The following SARM1 variants were observed in gnomAD, a reference collection of about 807,000 sequenced individuals.
SARM1 encodes the protein NAD(+) hydrolase SARM1.
In SARM1, 60 loss-of-function variants were observed where a neutral mutation model predicts 65.1. The observed-to-expected ratio is 0.92, with a 90% CI of 0.75 to 1.14. The LOEUF (loss-of-function observed/expected upper bound fraction) is 1.14, where lower values mean the gene tolerates loss of function less well. Among genes scored for constraint, SARM1 ranks in the 50% most tolerant of loss-of-function variants. The pLI is 0.00. For synonymous variants in SARM1, 417 were observed against 465.4 expected, an observed-to-expected ratio of 0.90 and a Z score of 1.34; for missense variants, 913 against 1,015.7, an observed-to-expected ratio of 0.90 and a Z score of 1.37.
intron 1 of SARM1, among the ~76,000 whole-genome samples, chr17:28,375,269 T>G (rs1481430473): frequency 1.3e-5 from 2 of 152,186 alleles, no homozygotes; most frequent in African/African-American, 2.4e-5. Flanking sequence ...CCCAGGAATA[T>G]TCAATGAATA....
At chr17:28,388,074 G>T (rs781980060) in intron 5 of SARM1, 100 bp from the exon 6 acceptor site, 33 of 942,200 alleles carry the variant, frequency 3.5e-5, no homozygotes, top group Non-Finnish European at 3.0e-5. Context: ...GGGCTGAGAG[G>T]GCTTGGTGGA....
intron 1 of SARM1, among the ~76,000 whole-genome samples, chr17:28,376,135 G>T (rs1442709604): frequency 6.6e-6 from 1 of 152,138 alleles, no homozygotes; most frequent in Non-Finnish European, 1.5e-5. Context: ...CTCTGTAAAG[G>T]TGCCAGGTGC....
At position 28,395,911 on chromosome 17, in the gene SARM1, G is replaced by A. The variant is rs781916448; in HGVS notation, c.1930G>A (p.Val644Met). The change falls in exon 8 of 9, where the codon GTG becomes ATG. Residue 644 changes from valine (V) to methionine (M), a missense_variant. Transcript: ENST00000585482. ...CTTTCCTTTCTTTCTCCAGGAGATT[G>A]TGACTGCTTTAAGCTGCGGCAAGAA... ...DCKDWVHKEI[V>M]TALSCGKNIV... 3.1e-6 allele frequency: 5 copies of A among 1,613,872 alleles called. No homozygotes were observed. The highest frequency in any genetic ancestry group is 4.2e-6 in the Non-Finnish European group (5 of 1,179,878).
In SARM1 at chr17:28,400,783, A is replaced by G. The variant is rs781817639; in HGVS notation, c.*4497A>G. ...AGAGAGCACCTGTGAAGAAATAAAT[A>G]CCATACTCTGGAGTCCGAAAGGGCC... On this transcript the variant is annotated 3_prime_UTR_variant, in exon 9 of 9. Transcript: ENST00000585482. 28 of 1,553,080 alleles carry G rather than the reference A, an allele frequency of 1.8e-5. No homozygotes were observed. The highest frequency in any genetic ancestry group is 2.1e-5 in the Non-Finnish European group (24 of 1,148,394).
rs782186429 is a variant in SARM1 at position 28,381,644 on chromosome 17, C to T, written c.912C>T (p.Asp304=). 2 of 1,560,166 alleles carry T rather than the reference C, an allele frequency of 1.3e-6. No homozygotes were observed. The highest frequency in any genetic ancestry group is 1.7e-6 in the Non-Finnish European group (2 of 1,153,648). Residue 304 remains aspartate, a synonymous_variant, in exon 2 of 9, where the codon GAC becomes GAT. Transcript: ENST00000585482. ...ALVEPLVASL[D]PGRFARCLVD... is the part of the protein sequence containing the mutation. ...TGGAGCCGCTTGTGGCCTCGCTGGACCCTGGCCGCTTCGCCCGCTGTCTGG... is the reference window on the plus strand; with the variant it reads ...TGGAGCCGCTTGTGGCCTCGCTGGATCCTGGCCGCTTCGCCCGCTGTCTGG...
rs1555585308 is a variant in SARM1, at chr17:28,381,635, C to T, written c.903C>T (p.Ala301=). Residue 301 remains alanine (A), a synonymous_variant, in exon 2 of 9, where the codon GCC becomes GCT. Transcript: ENST00000585482. ...GTLALVEPLV[A]SLDPGRFARC... ...TGGCGCTCGTGGAGCCGCTTGTGGC[C>T]TCGCTGGACCCTGGCCGCTTCGCCC... is the stretch of plus-strand genomic sequence containing the variant. 3 of 1,563,978 alleles carry T rather than the reference C, an allele frequency of 1.9e-6. No homozygotes were observed. The East Asian group carries it at 7.1e-5, about 37-fold the overall frequency.
rs1247088246 is a variant in SARM1 at position 28,403,341 on chromosome 17, C to T, written c.*7055C>T. The T allele has an allele frequency of 1.3e-5, 2 of 152,232 alleles. No individual in the cohort carries two copies. Among genetic ancestry groups the T allele is most frequent in the Non-Finnish European group, 2.9e-5 (2 of 68,022 alleles). The allele number at this position is 152,232 out of a possible 1,614,324, so 9.4% of individuals were successfully genotyped here. Reference sequence around the variant, plus strand: ...ACACAGCAAATGGGAGTTCCTTTTCCCTTTGCATTCAGTTACTTACAGGCT... The same window carrying T: ...ACACAGCAAATGGGAGTTCCTTTTCTCTTTGCATTCAGTTACTTACAGGCT... On this transcript the variant is annotated 3_prime_UTR_variant, in exon 9 of 9. Coordinates refer to ENST00000585482, the MANE Select transcript of SARM1 (RefSeq NM_015077.4).
chr17:28,392,691 T>A (rs183344568), intron 7 of SARM1, among the ~76,000 whole-genome samples: 1 of 152,148 alleles, frequency 6.6e-6, no homozygotes, highest in East Asian at 1.9e-4. Flanking sequence ...TGGGCTTTTT[T>A]CTCTCCATCT....
At chr17:28,374,332 G>A (rs2067977167) in intron 1 of SARM1, 2 of 150,594 alleles carry the variant, frequency 1.3e-5, no homozygotes, top group Admixed American at 1.3e-4. Context: ...AGCACTTTGG[G>A]AGGCCAAGGC....
chr17:28,378,087 G>A (rs574624967), intron 1 of SARM1, among the ~76,000 whole-genome samples: 4 of 152,286 alleles, frequency 2.6e-5, no homozygotes, highest in African/African-American at 9.6e-5. Context: ...TGCTCAGCAG[G>A]CCTCCAAGTT....
At chr17:28,387,861 T>C (rs912802987) in intron 5 of SARM1, 1 of 367,336 alleles carries the variant, frequency 2.7e-6, no homozygotes, top group Non-Finnish European at 5.0e-6. Context: ...AGGGGGAGAT[T>C]TGGGGTGTGT....
At chr17:28,396,084 A>G in intron 8 of SARM1, 58 bp downstream of exon 8, 1 of 1,613,536 alleles carries the variant, frequency 6.2e-7, no homozygotes, top group African/African-American at 1.3e-5. Flanking sequence ...TGACAGGCAG[A>G]GTGTGGGCAA....
chr17:28,396,377 G>A lies in SARM1; in HGVS notation c.*91G>A, dbSNP rs539239937. ...CCTGAAACCAGTCTCCCTGGGCTGA[G>A]ACAACCTGGGCTCTTCTTAGGAAAT... On this transcript the variant is annotated 3_prime_UTR_variant, in exon 9 of 9. Coordinates refer to ENST00000585482, the MANE Select transcript of SARM1 (RefSeq NM_015077.4). The A allele has an allele frequency of 1.2e-4, 178 of 1,505,500 alleles. No homozygotes were observed. In the East Asian group the frequency reaches 3.4e-3, roughly 29 times the overall value. The allele number at this position is 1,505,500 out of a possible 1,614,324, so 93.3% of individuals were successfully genotyped here.
Position 28,400,828 on chromosome 17 carries a change from A to T in SARM1, c.*4542A>T, listed in dbSNP as rs1443090897. ...AGGGCCATATTCCAACTCTGGCACC[A>T]CCACCTCACAGCTGTGTGACCGGGA... On this transcript the variant is annotated 3_prime_UTR_variant, in exon 9 of 9. Coordinates refer to ENST00000585482, the MANE Select transcript of SARM1 (RefSeq NM_015077.4). 1.4e-6 allele frequency: 2 copies of T among 1,451,300 alleles called. No individual in the cohort carries two copies. The highest frequency in any genetic ancestry group is 2.5e-5 in the East Asian group (1 of 40,452). 89.9% of individuals were successfully genotyped at this position (1,451,300 alleles called of 1,614,324 possible).
Position 28,384,982 on chromosome 17 carries a change from C to T in SARM1, c.1394+52C>T. ...CCAGCTAGGTCTAAATAAGCTCCCC[C>T]TCCGCCCACAGCCCGTCCGAGTCTG... On this transcript the variant is annotated intron_variant, in intron 4 of 8. Transcript: ENST00000585482. The surrounding 1 kb of genome is among the most constrained non-coding windows in gnomAD (Gnocchi z 4.4). 2 of 1,600,312 alleles carry T rather than the reference C, an allele frequency of 1.2e-6. No homozygotes were observed. The highest frequency in any genetic ancestry group is 1.1e-5 in the South Asian group (1 of 89,378).
rs2142443144 is a variant in SARM1 at position 28,395,910 on chromosome 17, T to C, written c.1929T>C (p.Ile643=). 1 of 1,613,776 alleles carries C rather than the reference T, an allele frequency of 6.2e-7. No individual in the cohort carries two copies. The highest frequency in any genetic ancestry group is 8.5e-7 in the Non-Finnish European group (1 of 1,179,844). The part of the protein sequence containing the change: ...HDCKDWVHKE[I]VTALSCGKNI... ...CCTTTCCTTTCTTTCTCCAGGAGATTGTGACTGCTTTAAGCTGCGGCAAGA... is the reference window on the plus strand; with the variant it reads ...CCTTTCCTTTCTTTCTCCAGGAGATCGTGACTGCTTTAAGCTGCGGCAAGA... Residue 643 remains isoleucine, a synonymous_variant, in exon 8 of 9, where the codon ATT becomes ATC. Transcript: ENST00000585482.
chr17:28,399,976 C>A lies in SARM1; in HGVS notation c.*3690C>A. ...TGACATAATCATAGCTCACTGTACC[C>A]TTGAACTCCTGGGCTCAAGTGATCC... On this transcript the variant is annotated 3_prime_UTR_variant, in exon 9 of 9. Coordinates refer to ENST00000585482, the MANE Select transcript of SARM1 (RefSeq NM_015077.4). 1 of 458,982 alleles carries A rather than the reference C, an allele frequency of 2.2e-6. No homozygotes were observed. Among genetic ancestry groups the A allele is most frequent in the Non-Finnish European group, 4.0e-6 (1 of 250,254 alleles). 28.4% of individuals were successfully genotyped at this position (458,982 alleles called of 1,614,324 possible).
chr17:28,401,234 C>A lies in SARM1; in HGVS notation c.*4948C>A, dbSNP rs1270996582. 1.1e-5 allele frequency: 2 copies of A among 184,994 alleles called. No individual in the cohort carries two copies. The highest frequency in any genetic ancestry group is 2.7e-4 in the East Asian group (2 of 7,480). 11.5% of individuals were successfully genotyped at this position (184,994 alleles called of 1,614,324 possible). On this transcript the variant is annotated 3_prime_UTR_variant, in exon 9 of 9. Transcript: ENST00000585482. ...CTCCTTCTGCTAAATAAGGATAATA[C>A]CTATTTCCTAGATTGTGAGCAACAT...
intron 2 of SARM1, among the ~76,000 whole-genome samples, chr17:28,383,269 G>C (rs1555585533): frequency 1.3e-5 from 2 of 152,186 alleles, no homozygotes; most frequent in East Asian, 1.9e-4. Context: ...AGCTACTCGG[G>C]AGGCTGAGGC....
Sources: gnomAD v4.1 joint callset for allele counts (sites outside exome capture counted in the v4.1 genomes callset) on GRCh38, gnomAD v4.1.1 for gene constraint, Gnocchi (gnomAD v3.1) non-coding constraint, MANE v1.5 for transcripts, NCBI Gene and HGNC (gene_info 2026-07-23, HGNC 2026-07-21) for gene names.